PRR16: variants seen among roughly 807,000 people sequenced by gnomAD.
PRR16 encodes the protein proline rich 16, also known as protein Largen.
A neutral mutation model predicts 18.2 loss-of-function variants in PRR16; 6 were observed. That is an observed-to-expected ratio of 0.33 (90% confidence interval 0.18 to 0.65). The LOEUF (loss-of-function observed/expected upper bound fraction) is 0.65. Ranked by LOEUF, PRR16 falls within the 30% of genes least tolerant of loss-of-function variation. The pLI is 0.74. For missense variants in PRR16, 412 were observed against 376.6 expected (o/e 1.09, Z -0.78); for synonymous variants, 151 against 147.8 (o/e 1.02, Z -0.16).
intron 1 of PRR16, among the ~76,000 whole-genome samples, chr5:120,585,270 G>A (rs1037928460): frequency 2.6e-5 from 4 of 152,108 alleles, no homozygotes; most frequent in Admixed American, 2.0e-4. Flanking sequence ...TAAGAAAACT[G>A]AGCTGATTTG....
chr5:120,571,941 G>A (rs531976521), intron 1 of PRR16, among the ~76,000 whole-genome samples: 3 of 152,214 alleles, frequency 2.0e-5, no homozygotes, highest in South Asian at 2.1e-4. Context: ...TCAGACTCAG[G>A]TGAGTGTCTC....
At chr5:120,526,856 T>C (rs1472215853) in intron 1 of PRR16, among the ~76,000 whole-genome samples, 5 of 152,180 alleles carry the variant, frequency 3.3e-5, no homozygotes, top group Non-Finnish European at 7.3e-5. Flanking sequence ...CCCAAAGTGC[T>C]GGGGTTACAG....
the PRR16 span, among the ~76,000 whole-genome samples, chr5:120,737,736 T>G: frequency 5.3e-5 from 8 of 151,944 alleles, no homozygotes; most frequent in Non-Finnish European, 1.2e-4. Context: ...AGTACGGGAT[T>G]ATTTTGTTTG....
At chr5:120,542,168 C>T (rs954036868) in intron 1 of PRR16, among the ~76,000 whole-genome samples, 17 of 152,030 alleles carry the variant, frequency 1.1e-4, no homozygotes, top group Non-Finnish European at 2.4e-4. Flanking sequence ...GTTAGTGCCT[C>T]GAGTCAGCTT....
the PRR16 span, among the ~76,000 whole-genome samples, chr5:120,711,053 A>G: frequency 6.6e-6 from 1 of 152,066 alleles, no homozygotes; most frequent in African/African-American, 2.4e-5. Context: ...CTCACATTGC[A>G]TCACTCTGAC....
At chr5:120,683,751 A>G (rs1161200134) in intron 1 of PRR16, among the ~76,000 whole-genome samples, 1 of 152,154 alleles carries the variant, frequency 6.6e-6, no homozygotes, top group Non-Finnish European at 1.5e-5. Flanking sequence ...AACCTTTCAA[A>G]TGAAGACTTC....
At chr5:120,771,348 A>G in the PRR16 span, among the ~76,000 whole-genome samples, 1 of 152,116 alleles carries the variant, frequency 6.6e-6, no homozygotes, top group African/African-American at 2.4e-5. Flanking sequence ...ACCCAAACAC[A>G]TTGCAGTAGT....
At chr5:120,614,490 G>T (rs1754442906) in intron 1 of PRR16, among the ~76,000 whole-genome samples, 1 of 152,174 alleles carries the variant, frequency 6.6e-6, no homozygotes, top group Admixed American at 6.6e-5. Context: ...TTTCCTTGTA[G>T]TATGGATCAT....
At chr5:120,724,889 T>C in the PRR16 span, among the ~76,000 whole-genome samples, 1 of 152,018 alleles carries the variant, frequency 6.6e-6, no homozygotes, top group Non-Finnish European at 1.5e-5. Flanking sequence ...CTTAATGGTA[T>C]CTGTATTCTG....
the PRR16 span, among the ~76,000 whole-genome samples, chr5:120,785,330 AT>A: frequency 6.6e-6 from 1 of 152,144 alleles, no homozygotes; most frequent in Non-Finnish European, 1.5e-5. Flanking sequence ...AGTATCTATT[AT>A]AACAGCCCAT....
At chr5:120,489,523 C>G (rs1023382121) in intron 1 of PRR16, among the ~76,000 whole-genome samples, 4 of 152,214 alleles carry the variant, frequency 2.6e-5, no homozygotes, top group Non-Finnish European at 5.9e-5. Flanking sequence ...TCCTCCATCC[C>G]TTTATTTTGA....
chr5:120,530,578 A>C (rs964414910), intron 1 of PRR16, among the ~76,000 whole-genome samples: 6 of 151,902 alleles, frequency 3.9e-5, no homozygotes, highest in African/African-American at 1.5e-4. Context: ...CTAGTTAAAA[A>C]ATTAGATTAA....
intron 1 of PRR16, among the ~76,000 whole-genome samples, chr5:120,670,775 G>A (rs76259050): frequency 0.013 from 1,930 of 152,214 alleles, 20 homozygotes; most frequent in Non-Finnish European, 0.02. Context: ...AGTTGTGGAG[G>A]ATATTCCAAA....
At chr5:120,636,174 A>G (rs1561586125) in intron 1 of PRR16, among the ~76,000 whole-genome samples, 1 of 152,190 alleles carries the variant, frequency 6.6e-6, no homozygotes, top group Non-Finnish European at 1.5e-5. Flanking sequence ...AATGGGTAGA[A>G]TCAATATTGT....
chr5:120,689,432 G>T (rs1344508864), downstream of PRR16, among the ~76,000 whole-genome samples: 1 of 151,376 alleles, frequency 6.6e-6, no homozygotes, highest in Non-Finnish European at 1.5e-5. Context: ...AAATGTTGAA[G>T]TGCAAGCTCT....
At chr5:120,754,455 A>T in the PRR16 span, among the ~76,000 whole-genome samples, 4 of 28,510 alleles carry the variant, frequency 1.4e-4, no homozygotes, top group Admixed American at 5.6e-4. Context: ...ATATTATATA[A>T]TATATAGTAT....
chr5:120,756,808 A>C, the PRR16 span, among the ~76,000 whole-genome samples: 1 of 152,002 alleles, frequency 6.6e-6, no homozygotes, highest in African/African-American at 2.4e-5. Context: ...ATTAGGTCCT[A>C]CTTGTCAATT....
chr5:120,739,933 T>C, the PRR16 span, among the ~76,000 whole-genome samples: 1 of 152,170 alleles, frequency 6.6e-6, no homozygotes, highest in African/African-American at 2.4e-5. Flanking sequence ...ATATAATAGA[T>C]GAATAAAATT....
Position 120,532,541 on chromosome 5 carries a change from C to T in PRR16, c.159+67896C>T, listed in dbSNP as rs185419116. 7.0e-3 allele frequency among the ~76,000 whole-genome samples: 1,069 copies of T among 151,976 alleles called. 5 individuals carry two copies. Among genetic ancestry groups the T allele is most frequent in the Middle Eastern group, 0.017 (5 of 294 alleles). On this transcript the variant is annotated intron_variant, in intron 1 of 1. Coordinates refer to ENST00000407149, the MANE Select transcript of PRR16 (RefSeq NM_001300783.2). ...TATGACATCAGACTTTATAGCAATT[C>T]TTAATAATTTCATTTTTCTGGTTTT...
Sources: allele counts gnomAD v4.1 joint callset (sites outside exome capture counted in the v4.1 genomes callset), GRCh38; gene constraint gnomAD v4.1.1; transcripts MANE v1.5; gene names NCBI Gene and HGNC (gene_info 2026-07-23, HGNC 2026-07-21).